RAB11FIP4: variants seen among roughly 807,000 people sequenced by gnomAD.
RAB11FIP4 encodes the protein rab11 family-interacting protein 4.
Under a neutral mutation model 74.3 loss-of-function variants are expected in RAB11FIP4, and 23 were observed. That is an observed-to-expected ratio of 0.31 (90% CI 0.22 to 0.44). The LOEUF is 0.44. Ranked by LOEUF, RAB11FIP4 falls within the 20% of genes least tolerant of loss-of-function variation. The pLI is 1.00. For synonymous variants in RAB11FIP4, 360 were observed against 359.9 expected (o/e 1.00, Z 0.00); for missense variants, 630 against 863.9 (o/e 0.73, Z 3.39).
chr17:31,425,581 G>T (rs1034269327), intron 1 of RAB11FIP4, among the ~76,000 whole-genome samples: 1 of 152,178 alleles, frequency 6.6e-6, no homozygotes, highest in Non-Finnish European at 1.5e-5. Flanking sequence ...GGGACTGAGT[G>T]GGGGGAAAAA....
At chr17:31,453,346 A>T (rs1292923466) in intron 3 of RAB11FIP4, among the ~76,000 whole-genome samples, 1 of 104,610 alleles carries the variant, frequency 9.6e-6, no homozygotes, top group African/African-American at 4.2e-5. Flanking sequence ...ATAGAGAGAG[A>T]CCCTACCTCA....
intron 11 of RAB11FIP4, among the ~76,000 whole-genome samples, chr17:31,528,171 G>A (rs1159899737): frequency 3.3e-5 from 5 of 152,188 alleles, no homozygotes; most frequent in Non-Finnish European, 5.9e-5. Context: ...TTCAATTCAG[G>A]TTGCATCTAG....
intron 3 of RAB11FIP4, among the ~76,000 whole-genome samples, chr17:31,477,301 A>G (rs2071803161): frequency 6.6e-6 from 1 of 152,194 alleles, no homozygotes; most frequent in African/African-American, 2.4e-5. Context: ...AGTGTTCCTC[A>G]GGCAGGGAGC....
intron 3 of RAB11FIP4, among the ~76,000 whole-genome samples, chr17:31,469,959 G>A (rs1318842698): frequency 6.6e-6 from 1 of 152,196 alleles, no homozygotes; most frequent in Non-Finnish European, 1.5e-5. Flanking sequence ...AAATGAAGGA[G>A]CTGGAATTGA....
At chr17:31,394,717 A>G (rs536442301) in intron 1 of RAB11FIP4, among the ~76,000 whole-genome samples, 2 of 152,202 alleles carry the variant, frequency 1.3e-5, no homozygotes, top group East Asian at 1.9e-4. Context: ...TGCGGGCTGG[A>G]GAAGCAGTGC....
chr17:31,521,103 A>AC, intron 4 of RAB11FIP4, 63 bp from the exon 5 acceptor site: 1 of 1,330,552 alleles, frequency 7.5e-7, no homozygotes, highest in South Asian at 1.6e-5. Context: ...CAGTTTCCCC[A>AC]CCACGGGCTG....
In RAB11FIP4 at chr17:31,521,214, C is replaced by T; in HGVS notation, c.612C>T (p.His204=). The T allele has an allele frequency of 6.2e-7, 1 of 1,613,654 alleles. No individual in the cohort carries two copies. The highest frequency in any genetic ancestry group is 8.5e-7 in the Non-Finnish European group (1 of 1,179,740). ...PSMTTSDLST[H]STTSLISNEE... Reference sequence around the variant, plus strand: ...TGACGACCTCAGACCTTTCTACACACTCCACCACCTCGCTCATCAGCAATG... The same window carrying T: ...TGACGACCTCAGACCTTTCTACACATTCCACCACCTCGCTCATCAGCAATG... Residue 204 remains histidine, a synonymous_variant, in exon 5 of 15, where the codon CAC becomes CAT. Transcript: ENST00000621161.
chr17:31,528,916 G>A (rs1597987571), intron 13 of RAB11FIP4, 138 bp downstream of exon 13: 1 of 951,952 alleles, frequency 1.1e-6, no homozygotes, highest in East Asian at 2.7e-5. Flanking sequence ...CTGTTTGCCA[G>A]GGCTGACTGC....
intron 1 of RAB11FIP4, among the ~76,000 whole-genome samples, chr17:31,396,237 G>C (rs1339634483): frequency 6.6e-6 from 1 of 151,584 alleles, no homozygotes; most frequent in Admixed American, 6.6e-5. Context: ...GCAGATTTTT[G>C]AGGGATGGGG....
chr17:31,484,539 A>C (rs1190633883), intron 3 of RAB11FIP4, among the ~76,000 whole-genome samples: 1 of 152,090 alleles, frequency 6.6e-6, no homozygotes, highest in Non-Finnish European at 1.5e-5. Flanking sequence ...AACCAAGGAC[A>C]CTGAATCCTA....
At chr17:31,422,475 A>G (rs1245501455) in intron 1 of RAB11FIP4, among the ~76,000 whole-genome samples, 2 of 152,020 alleles carry the variant, frequency 1.3e-5, no homozygotes, top group Non-Finnish European at 2.9e-5. Flanking sequence ...CAATTTGTCT[A>G]TTTCTCCTTT....
At chr17:31,440,103 G>A (rs1019159185) in intron 3 of RAB11FIP4, among the ~76,000 whole-genome samples, 3 of 152,036 alleles carry the variant, frequency 2.0e-5, no homozygotes, top group Non-Finnish European at 4.4e-5. Context: ...TGTACCTCCA[G>A]GCTATAAACA....
At chr17:31,400,956 T>C (rs2070979293) in intron 1 of RAB11FIP4, among the ~76,000 whole-genome samples, 1 of 152,066 alleles carries the variant, frequency 6.6e-6, no homozygotes, top group Admixed American at 6.5e-5. Context: ...CTGACCTAGG[T>C]GTGGTCTGGC....
At chr17:31,477,008 G>A (rs1330602207) in intron 3 of RAB11FIP4, among the ~76,000 whole-genome samples, 1 of 152,214 alleles carries the variant, frequency 6.6e-6, no homozygotes, top group Non-Finnish European at 1.5e-5. Context: ...CCAGGGAGCC[G>A]CCCTCTCCCC....
chr17:31,492,252 A>G (rs547492522), intron 3 of RAB11FIP4, among the ~76,000 whole-genome samples: 16 of 152,136 alleles, frequency 1.1e-4, no homozygotes, highest in Non-Finnish European at 2.2e-4. Flanking sequence ...ATGGGGTCCT[A>G]AGGACCCCAG....
intron 8 of RAB11FIP4, 83 bp from the exon 9 acceptor site, chr17:31,523,810 T>C: frequency 8.7e-7 from 1 of 1,151,394 alleles, no homozygotes; most frequent in East Asian, 2.4e-5. Flanking sequence ...TTGGAGGTCC[T>C]GCTCATGAAC....
Position 31,528,550 on chromosome 17 carries a change from C to G in RAB11FIP4, c.1494+7C>G, listed in dbSNP as rs2072810554. 6.2e-7 allele frequency: 1 copy of G among 1,613,682 alleles called. No individual in the cohort carries two copies. Among genetic ancestry groups the G allele is most frequent in the Non-Finnish European group, 8.5e-7 (1 of 1,179,954 alleles). The stretch of plus-strand genomic sequence containing the variant: ...GCGGGAGGCGACGCAGGAGGTAGGT[C>G]CCAGGCCAGCAGGCACCAGGGCTCC... On this transcript the variant is annotated splice_region_variant and intron_variant, in intron 12 of 14. Transcript: ENST00000621161.
chr17:31,451,978 A>C (rs1316632894), intron 3 of RAB11FIP4, among the ~76,000 whole-genome samples: 1 of 152,180 alleles, frequency 6.6e-6, no homozygotes, highest in Non-Finnish European at 1.5e-5. Flanking sequence ...TGTAATGATC[A>C]AATCAGGGTA....
At position 31,532,780 on chromosome 17, in the gene RAB11FIP4, G is replaced by A. The variant is rs1567697900; in HGVS notation, c.*1048G>A. ...GTGGCAGCAAGACTGCTTCGTTCCA[G>A]CGTTTAGAAACACACCTGTATTTGA... On this transcript the variant is annotated 3_prime_UTR_variant, in exon 15 of 15. Transcript: ENST00000621161. 6.6e-6 allele frequency: 1 copy of A among 152,206 alleles called. No individual in the cohort carries two copies. Among genetic ancestry groups the A allele is most frequent in the African/African-American group, 2.4e-5 (1 of 41,450 alleles). The allele number at this position is 152,206 out of a possible 1,614,324, so 9.4% of individuals were successfully genotyped here.
Sources: gnomAD v4.1 joint callset for allele counts (sites outside exome capture counted in the v4.1 genomes callset) on GRCh38, gnomAD v4.1.1 for gene constraint, MANE v1.5 for transcripts, NCBI Gene and HGNC (gene_info 2026-07-23, HGNC 2026-07-21) for gene names.